DYNC1I1: variants seen among roughly 807,000 people sequenced by gnomAD.
DYNC1I1 encodes cytoplasmic dynein 1 intermediate chain 1.
DYNC1I1 carries 43 observed loss-of-function variants against 86.6 expected under a neutral mutation model. That is an observed-to-expected ratio of 0.50 (90% CI 0.39 to 0.64). DYNC1I1 has a LOEUF of 0.64. Ranked by LOEUF, DYNC1I1 falls within the 30% of genes least tolerant of loss-of-function variation. The pLI is 0.00. For missense variants in DYNC1I1, 604 were observed against 788.8 expected, an observed-to-expected ratio of 0.77 and a Z score of 2.81; for synonymous variants, 262 against 283.7, an observed-to-expected ratio of 0.92 and a Z score of 0.77.
intron 6 of DYNC1I1, among the ~76,000 whole-genome samples, chr7:95,920,406 A>T (rs1791580445): frequency 6.6e-6 from 1 of 152,190 alleles, no homozygotes; most frequent in Non-Finnish European, 1.5e-5. Context: ...TGATGAATAA[A>T]TGCAATGTGG....
At chr7:95,886,089 C>T (rs1014109605) in intron 6 of DYNC1I1, among the ~76,000 whole-genome samples, 1 of 152,186 alleles carries the variant, frequency 6.6e-6, no homozygotes, top group Non-Finnish European at 1.5e-5. Flanking sequence ...ATTTCCTCTA[C>T]AGTCTTCACT....
intron 14 of DYNC1I1, among the ~76,000 whole-genome samples, chr7:96,043,011 T>G (rs1442350951): frequency 6.6e-6 from 1 of 151,480 alleles, no homozygotes; most frequent in Non-Finnish European, 1.5e-5. Flanking sequence ...AATACAAAAA[T>G]TAGCTGGGCG....
chr7:95,828,123 G>A lies in DYNC1I1; in HGVS notation c.374+7G>A, dbSNP rs1276305910. On this transcript the variant is annotated splice_region_variant and intron_variant, in intron 5 of 16. Coordinates refer to ENST00000447467, the MANE Select transcript of DYNC1I1 (RefSeq NM_001135556.2). ...AGTCAGACTCAGAACTTGGGTATAT[G>A]TCTGCTCTTTTGTTACTCCTTTTAT... The A allele has an allele frequency of 1.9e-6, 3 of 1,613,568 alleles. No homozygotes were observed. Among genetic ancestry groups the A allele is most frequent in the Admixed American group, 1.7e-5 (1 of 59,982 alleles).
chr7:96,050,956 T>G (rs990380665), intron 14 of DYNC1I1, among the ~76,000 whole-genome samples: 3 of 152,218 alleles, frequency 2.0e-5, no homozygotes, highest in Admixed American at 2.0e-4. Flanking sequence ...TACCTTTTAC[T>G]GTATCTTAGC....
intron 5 of DYNC1I1, among the ~76,000 whole-genome samples, chr7:95,859,927 A>G (rs905259854): frequency 3.3e-5 from 5 of 152,060 alleles, no homozygotes; most frequent in Admixed American, 2.6e-4. Context: ...GTTAATGGTA[A>G]CTCTCTTTGT....
chr7:95,779,937 G>T (rs931328729), intron 1 of DYNC1I1, among the ~76,000 whole-genome samples: 1 of 152,118 alleles, frequency 6.6e-6, no homozygotes, highest in African/African-American at 2.4e-5. Context: ...TCTGCTGGGG[G>T]AAGGGGAGTC....
intron 6 of DYNC1I1, among the ~76,000 whole-genome samples, chr7:95,890,299 A>T (rs1467899634): frequency 6.6e-6 from 1 of 152,232 alleles, no homozygotes; most frequent in African/African-American, 2.4e-5. Flanking sequence ...ATGAAGCTGG[A>T]GGCCATTATC....
chr7:95,881,890 A>G (rs183007349), intron 6 of DYNC1I1, among the ~76,000 whole-genome samples: 1 of 152,324 alleles, frequency 6.6e-6, no homozygotes, highest in Admixed American at 6.5e-5. Flanking sequence ...GAAAGAAAAT[A>G]TGGTTAAATG....
chr7:96,015,455 T>C (rs578121801), intron 10 of DYNC1I1, among the ~76,000 whole-genome samples: 6 of 152,286 alleles, frequency 3.9e-5, no homozygotes, highest in South Asian at 2.1e-4. Flanking sequence ...CGTCTTATGA[T>C]TGAAAATAGT....
At chr7:96,004,369 T>C (rs1484663688) in intron 10 of DYNC1I1, among the ~76,000 whole-genome samples, 6 of 152,192 alleles carry the variant, frequency 3.9e-5, no homozygotes. Flanking sequence ...TCCATAATCA[T>C]TTTATAACTT....
At chr7:96,024,914 G>A (rs987881355) in intron 10 of DYNC1I1, among the ~76,000 whole-genome samples, 3 of 152,120 alleles carry the variant, frequency 2.0e-5, no homozygotes, top group African/African-American at 4.8e-5. Context: ...TGTGTGAACA[G>A]CAGGGGGTTG....
At chr7:95,837,224 G>A (rs1487950047) in intron 5 of DYNC1I1, among the ~76,000 whole-genome samples, 1 of 152,062 alleles carries the variant, frequency 6.6e-6, no homozygotes, top group Non-Finnish European at 1.5e-5. Flanking sequence ...GGAGTACCCT[G>A]CCATGTGAGG....
At chr7:95,784,657 G>A (rs1245639327) in intron 1 of DYNC1I1, among the ~76,000 whole-genome samples, 1 of 152,190 alleles carries the variant, frequency 6.6e-6, no homozygotes, top group Admixed American at 6.5e-5. Flanking sequence ...GAAAAACAGA[G>A]TTAATATCCA....
chr7:96,025,957 A>G (rs1280971684), intron 10 of DYNC1I1, among the ~76,000 whole-genome samples: 1 of 152,148 alleles, frequency 6.6e-6, no homozygotes, highest in East Asian at 1.9e-4. Flanking sequence ...AGCTTTGGTA[A>G]ATTCAATTGT....
chr7:96,079,532 C>G (rs1292202034), intron 15 of DYNC1I1, among the ~76,000 whole-genome samples: 1 of 152,096 alleles, frequency 6.6e-6, no homozygotes, highest in Non-Finnish European at 1.5e-5. Flanking sequence ...AATACTGAGG[C>G]TCTTGGAACA....
intron 14 of DYNC1I1, chr7:96,055,983 C>A (rs1356267618): frequency 2.0e-5 from 3 of 152,136 alleles, no homozygotes; most frequent in African/African-American, 7.2e-5. Flanking sequence ...GCTTCCTTCT[C>A]ACTTAGGACC....
At chr7:95,977,464 T>A in intron 6 of DYNC1I1, 48 bp from the exon 7 acceptor site, 1 of 1,580,008 alleles carries the variant, frequency 6.3e-7, no homozygotes, top group Non-Finnish European at 8.6e-7. Flanking sequence ...CCAAAGACTT[T>A]GATTTGGAGG....
At chr7:95,913,482 C>T (rs190448592) in intron 6 of DYNC1I1, among the ~76,000 whole-genome samples, 66 of 152,274 alleles carry the variant, frequency 4.3e-4, no homozygotes, top group African/African-American at 1.5e-3. Flanking sequence ...CCATGCTGTT[C>T]TCGTGATAGT....
Position 95,994,143 on chromosome 7 carries a change from C to T in DYNC1I1, c.844-1805C>T, listed in dbSNP as rs1793800028. Among the ~76,000 whole-genome samples, 4 of 152,064 alleles carry T rather than the reference C, an allele frequency of 2.6e-5. No homozygotes were observed. In the South Asian group the frequency reaches 8.3e-4, roughly 32 times the overall value. ...GCCTTTAATTATTAGCATTGTTTGA[C>T]AACAAAGGATGATATATAAAGCCTT... On this transcript the variant is annotated intron_variant, in intron 9 of 16. Coordinates refer to ENST00000447467, the MANE Select transcript of DYNC1I1 (RefSeq NM_001135556.2).
Sources: gnomAD v4.1 joint callset for allele counts (sites outside exome capture counted in the v4.1 genomes callset) on GRCh38, gnomAD v4.1.1 for gene constraint, MANE v1.5 for transcripts, NCBI Gene and HGNC (gene_info 2026-07-23, HGNC 2026-07-21) for gene names.